TSPAN9: variants seen among roughly 807,000 people sequenced by gnomAD.
The protein encoded by TSPAN9 is tetraspanin 9, also known as tetraspanin-9.
TSPAN9 carries 16 observed loss-of-function variants against 31.0 expected under a neutral mutation model. That is an observed-to-expected ratio of 0.52 (90% CI 0.35 to 0.78). The LOEUF (loss-of-function observed/expected upper bound fraction) is 0.78. Ranked by LOEUF, TSPAN9 falls within the 30% of genes least tolerant of loss-of-function variation. The probability of loss-of-function intolerance (pLI) is 0.01; values close to 1 mark genes in which losing one functional copy is unlikely to be tolerated. For synonymous variants in TSPAN9, 145 were observed against 121.6 expected, an observed-to-expected ratio of 1.19 and a Z score of -1.27; for missense variants, 272 against 312.5, an observed-to-expected ratio of 0.87 and a Z score of 0.98.
intron 3 of TSPAN9, among the ~76,000 whole-genome samples, chr12:3,235,419 A>G (rs1029432291): frequency 4.0e-5 from 6 of 150,692 alleles, no homozygotes; most frequent in African/African-American, 1.5e-4. Flanking sequence ...TTTGGGTGAC[A>G]TTGGAAAAAC....
Position 3,278,606 on chromosome 12 carries a change from C to G in TSPAN9, c.249C>G (p.Leu83=), listed in dbSNP as rs147100602. ...CCATCAAGGAAAACAAGTGCCTCCTCCTCAGCGTAAGTTCTGTCCAAATCC... is the reference window on the plus strand; with the variant it reads ...CCATCAAGGAAAACAAGTGCCTCCTGCTCAGCGTAAGTTCTGTCCAAATCC... ...LGAIKENKCL[L]LSFFIVLLVI... is the part of the protein sequence containing the mutation. Residue 83 remains leucine, a synonymous_variant, in exon 4 of 9, where the codon CTC becomes CTG. Transcript: ENST00000011898. The G allele has an allele frequency of 1.5e-4, 239 of 1,613,956 alleles. No homozygotes were observed. Among genetic ancestry groups the G allele is most frequent in the Non-Finnish European group, 1.9e-4 (227 of 1,179,914 alleles).
chr12:3,129,905 A>G (rs1429726227), intron 2 of TSPAN9, among the ~76,000 whole-genome samples: 2 of 152,154 alleles, frequency 1.3e-5, no homozygotes, highest in East Asian at 1.9e-4. Context: ...TTTATTGTTC[A>G]TCCCTGACCA....
chr12:3,085,052 A>G (rs1458059295), intron 2 of TSPAN9, among the ~76,000 whole-genome samples: 1 of 152,230 alleles, frequency 6.6e-6, no homozygotes, highest in Non-Finnish European at 1.5e-5. Flanking sequence ...CGCTAGGCAC[A>G]TGGGCTTGGG....
chr12:3,105,827 C>T (rs553421922), intron 2 of TSPAN9, among the ~76,000 whole-genome samples: 308 of 148,020 alleles, frequency 2.1e-3, no homozygotes, highest in Non-Finnish European at 2.8e-3. Context: ...CACGCGCACA[C>T]ACACTTTCAT....
intron 1 of TSPAN9, among the ~76,000 whole-genome samples, chr12:3,081,808 T>TTG (rs985080707): frequency 1.7e-5 from 1 of 58,412 alleles, no homozygotes; most frequent in African/African-American, 6.3e-5. Flanking sequence ...ATCTAAAAAA[T>TTG]TGTGTGTGTG....
chr12:3,098,756 CTT>C (rs34790116), intron 2 of TSPAN9, among the ~76,000 whole-genome samples: 4 of 139,936 alleles, frequency 2.9e-5, no homozygotes, highest in Non-Finnish European at 3.1e-5. Context: ...CTCTCTCTCT[CTT>C]TTTTTTTTTT....
chr12:3,164,568 A>C (rs1297312927), intron 2 of TSPAN9, among the ~76,000 whole-genome samples: 2 of 151,944 alleles, frequency 1.3e-5, no homozygotes, highest in African/African-American at 4.8e-5. Flanking sequence ...CTGCGAGGGG[A>C]GATTGACACC....
At chr12:3,140,887 C>T (rs2098334482) in intron 2 of TSPAN9, among the ~76,000 whole-genome samples, 2 of 151,736 alleles carry the variant, frequency 1.3e-5, no homozygotes, top group Non-Finnish European at 2.9e-5. Flanking sequence ...TGGGGTTTTA[C>T]TTGCCAGGTG....
chr12:3,282,093 G>A (rs1199425443), intron 8 of TSPAN9: 2 of 647,880 alleles, frequency 3.1e-6, no homozygotes, highest in Non-Finnish European at 5.7e-6. Flanking sequence ...GGTTCCCCCA[G>A]TTCTGCCCAA....
At chr12:3,124,357 CTATT>C (rs1337710996) in intron 2 of TSPAN9, among the ~76,000 whole-genome samples, 2 of 151,916 alleles carry the variant, frequency 1.3e-5, no homozygotes, top group African/African-American at 4.8e-5. Context: ...CATTGCAGCA[CTATT>C]TATAGTAGCT....
At chr12:3,155,635 C>CG (rs373309036) in intron 2 of TSPAN9, among the ~76,000 whole-genome samples, 11 of 152,072 alleles carry the variant, frequency 7.2e-5, no homozygotes, top group African/African-American at 2.6e-4. Flanking sequence ...AGCAAGACCA[C>CG]GTCTTCCTTT....
chr12:3,145,657 CCT>C (rs527477836), intron 2 of TSPAN9, among the ~76,000 whole-genome samples: 281 of 152,324 alleles, frequency 1.8e-3, no homozygotes, highest in Non-Finnish European at 3.4e-3. Context: ...TCCCAGCAGT[CCT>C]CTCTGCCAGG....
intron 3 of TSPAN9, among the ~76,000 whole-genome samples, chr12:3,219,178 G>A (rs185407863): frequency 9.2e-5 from 14 of 152,332 alleles, no homozygotes; most frequent in African/African-American, 3.1e-4. Context: ...GGACAGCCTT[G>A]GGTGTCAGTC....
At chr12:3,259,526 C>T (rs993652615) in intron 3 of TSPAN9, among the ~76,000 whole-genome samples, 1 of 152,216 alleles carries the variant, frequency 6.6e-6, no homozygotes, top group Non-Finnish European at 1.5e-5. Context: ...TGTCACAGAG[C>T]TCACGTTTAG....
In TSPAN9 at chr12:3,107,479, C is replaced by T. The variant is rs2098315282; in HGVS notation, c.-18+23760C>T. Among the ~76,000 whole-genome samples, 1 of 152,182 alleles carries T rather than the reference C, an allele frequency of 6.6e-6. No individual in the cohort carries two copies. Among genetic ancestry groups the T allele is most frequent in the Non-Finnish European group, 1.5e-5 (1 of 68,030 alleles). Reference sequence around the variant, plus strand: ...TTCTGAGCCTTAAATCTCTGGGTTTCACAGGCTGGGGTGAGGAGAGAGGGA... The same window carrying T: ...TTCTGAGCCTTAAATCTCTGGGTTTTACAGGCTGGGGTGAGGAGAGAGGGA... On this transcript the variant is annotated intron_variant, in intron 2 of 8. Transcript: ENST00000011898. This position sits in a 1 kb window ranked among gnomAD's most constrained non-coding sequence, Gnocchi z 4.1.
intron 3 of TSPAN9, among the ~76,000 whole-genome samples, chr12:3,258,250 G>T (rs1030678313): frequency 1.3e-5 from 2 of 152,218 alleles, no homozygotes; most frequent in Non-Finnish European, 2.9e-5. Context: ...GGTGCAGCTT[G>T]CTCAGTCTCG....
At chr12:3,118,781 C>A (rs1171227613) in intron 2 of TSPAN9, among the ~76,000 whole-genome samples, 2 of 152,196 alleles carry the variant, frequency 1.3e-5, no homozygotes, top group Non-Finnish European at 2.9e-5. Context: ...AGCCTAATTT[C>A]TCTGCCTAGT....
At chr12:3,159,096 C>G (rs4765715) in intron 2 of TSPAN9, among the ~76,000 whole-genome samples, 48 of 152,086 alleles carry the variant, frequency 3.2e-4, no homozygotes, top group Admixed American at 1.6e-3. Flanking sequence ...TGTACATGAT[C>G]TAAGTTCTTA....
At chr12:3,176,499 T>G (rs1353036368) in intron 2 of TSPAN9, among the ~76,000 whole-genome samples, 1 of 152,236 alleles carries the variant, frequency 6.6e-6, no homozygotes, top group Non-Finnish European at 1.5e-5. Flanking sequence ...TGCCACCTTC[T>G]TTTAGCCTCC....
Sources: gnomAD v4.1 joint callset for allele counts (sites outside exome capture counted in the v4.1 genomes callset) on GRCh38, gnomAD v4.1.1 for gene constraint, Gnocchi (gnomAD v3.1) non-coding constraint, MANE v1.5 for transcripts, NCBI Gene and HGNC (gene_info 2026-07-23, HGNC 2026-07-21) for gene names.